CRACD: variants seen among roughly 807,000 people sequenced by gnomAD.
The protein encoded by CRACD is capping protein inhibiting regulator of actin dynamics.
CRACD carries 56 observed loss-of-function variants against 106.8 expected under a neutral mutation model. The observed-to-expected ratio is 0.52, with a 90% CI of 0.42 to 0.66. CRACD has a LOEUF of 0.66. Ranked by LOEUF, CRACD falls within the 30% of genes least tolerant of loss-of-function variation. The pLI is 0.00. For synonymous variants in CRACD, 754 were observed against 670.8 expected, an observed-to-expected ratio of 1.12 and a Z score of -1.92; for missense variants, 1,730 against 1,623.2, an observed-to-expected ratio of 1.07 and a Z score of -1.13.
intron 2 of CRACD, 141 bp downstream of exon 2, chr4:56,179,571 A>G (rs1736723912): frequency 6.6e-6 from 1 of 152,206 alleles, no homozygotes; most frequent in South Asian, 2.1e-4. Context: ...GTCATCAGTG[A>G]TCTAATCCTA....
chr4:56,072,793 C>T (rs892348798), intron 1 of CRACD, among the ~76,000 whole-genome samples: 2 of 151,724 alleles, frequency 1.3e-5, no homozygotes, highest in African/African-American at 4.8e-5. Flanking sequence ...GTATGATGTT[C>T]CCCTCCCTGT....
At chr4:56,218,521 C>CCTCATT (rs1209965014) in intron 2 of CRACD, among the ~76,000 whole-genome samples, 1 of 138,578 alleles carries the variant, frequency 7.2e-6, no homozygotes, top group African/African-American at 2.7e-5. Flanking sequence ...CCCTCCCCTC[C>CCTCATT]CTCATTTCCT....
intron 2 of CRACD, among the ~76,000 whole-genome samples, chr4:56,206,153 C>T (rs1160827584): frequency 6.6e-6 from 1 of 152,132 alleles, no homozygotes; most frequent in Non-Finnish European, 1.5e-5. Context: ...TAATATGTGC[C>T]CGTTTTCCCT....
chr4:56,280,092 G>A (rs1490011321), intron 3 of CRACD, among the ~76,000 whole-genome samples: 17 of 143,554 alleles, frequency 1.2e-4, no homozygotes, highest in African/African-American at 2.9e-4. Context: ...GAATTGAACA[G>A]TGAGAACACA....
At chr4:56,085,702 G>A (rs979207851) in intron 1 of CRACD, among the ~76,000 whole-genome samples, 11 of 152,110 alleles carry the variant, frequency 7.2e-5, no homozygotes, top group Non-Finnish European at 1.5e-4. Context: ...AGCAGATCAC[G>A]GGCTGCATCT....
Position 56,316,491 on chromosome 4 carries a change from G to T in CRACD, c.2989G>T (p.Asp997Tyr). 2.5e-6 allele frequency: 4 copies of T among 1,613,804 alleles called. No individual in the cohort carries two copies. The highest frequency in any genetic ancestry group is 3.4e-6 in the Non-Finnish European group (4 of 1,179,786). Reference protein sequence around the residue: ...ELLSRRAGRPDPEPSEPSKED... With the variant: ...ELLSRRAGRPYPEPSEPSKED... ...GCTGTCTCGCCGAGCGGGGAGGCCG[G>T]ACCCAGAGCCAAGTGAGCCGTCCAA... Residue 997 changes from aspartate to tyrosine, a missense_variant, in exon 8 of 11, where the codon GAC (aspartate) becomes TAC (tyrosine). By Grantham distance (160) the Asp-to-Tyr change is radical. This residue lies in a region of CRACD where 1,620 missense variants were observed against 1,481.6 expected (regional missense o/e 1.09). Transcript: ENST00000682029.
At chr4:56,171,498 G>C (rs1736363585) in intron 1 of CRACD, among the ~76,000 whole-genome samples, 1 of 152,134 alleles carries the variant, frequency 6.6e-6, no homozygotes, top group Non-Finnish European at 1.5e-5. Context: ...TTGAGCAACA[G>C]TTTTTATTTT....
At chr4:56,050,354 T>C (rs1731836007) in intron 1 of CRACD, among the ~76,000 whole-genome samples, 1 of 149,048 alleles carries the variant, frequency 6.7e-6, no homozygotes, top group Admixed American at 6.7e-5. Context: ...GAGGGAGTGG[T>C]TAGAATACAA....
intron 1 of CRACD, among the ~76,000 whole-genome samples, chr4:56,117,321 C>T (rs1344478199): frequency 6.6e-6 from 1 of 151,952 alleles, no homozygotes; most frequent in African/African-American, 2.4e-5. Flanking sequence ...GTGCCCGGCC[C>T]GAATTTTTTA....
chr4:56,313,361 G>A lies in CRACD; in HGVS notation c.519G>A (p.Lys173=). The A allele has an allele frequency of 6.2e-7, 1 of 1,613,868 alleles. No individual in the cohort carries two copies. Among genetic ancestry groups the A allele is most frequent in the African/African-American group, 1.3e-5 (1 of 75,060 alleles). The change falls in exon 7 of 11, where the codon AAG becomes AAA. Residue 173 remains lysine (K), a synonymous_variant. Coordinates refer to ENST00000682029, the MANE Select transcript of CRACD (RefSeq NM_001393381.1). The stretch of plus-strand genomic sequence containing the variant: ...CAAAAAAACAGAGGGTGTCAAAGAA[G>A]CACAGGCGCCTTGCCCAGGTGTGTA... ...VKPKKQRVSK[K]HRRLAQDPQH... is the part of the protein sequence containing the mutation.
chr4:56,113,299 A>G (rs1220528435), intron 1 of CRACD, among the ~76,000 whole-genome samples: 1 of 152,186 alleles, frequency 6.6e-6, no homozygotes, highest in Non-Finnish European at 1.5e-5. Flanking sequence ...GGATCTTTTC[A>G]AAGTGCTAAA....
At chr4:56,128,798 A>G (rs116797967) in intron 1 of CRACD, among the ~76,000 whole-genome samples, 2,549 of 152,262 alleles carry the variant, frequency 0.017, 37 homozygotes, top group Non-Finnish European at 0.022. Context: ...CTACATTAAA[A>G]TAAAAAATCA....
intron 2 of CRACD, among the ~76,000 whole-genome samples, chr4:56,198,844 G>T (rs1737744318): frequency 1.3e-5 from 2 of 152,174 alleles, no homozygotes; most frequent in Non-Finnish European, 2.9e-5. Context: ...TAACGTTAGA[G>T]GGGGGACTAG....
chr4:56,214,681 C>CTCTCTCTCTCTA, intron 2 of CRACD, among the ~76,000 whole-genome samples: 2,008 of 80,960 alleles, frequency 0.025, 64 homozygotes, highest in East Asian at 0.063. Flanking sequence ...CTCTCTCTCT[C>CTCTCTCTCTCTA]TATATATATA....
intron 2 of CRACD, among the ~76,000 whole-genome samples, chr4:56,191,312 C>T (rs1323143584): frequency 6.6e-6 from 1 of 152,096 alleles, no homozygotes; most frequent in Admixed American, 6.5e-5. Flanking sequence ...CACCTGCCTT[C>T]CTTGGCTTGT....
At chr4:56,308,961 G>T in intron 5 of CRACD, 1 of 1,256,350 alleles carries the variant, frequency 8.0e-7, no homozygotes, top group Non-Finnish European at 1.0e-6. Flanking sequence ...AGGTGAGCAA[G>T]ATTCTACAAG....
intron 1 of CRACD, among the ~76,000 whole-genome samples, chr4:56,052,682 TAATTGA>T (rs1182976375): frequency 6.6e-6 from 1 of 152,230 alleles, no homozygotes; most frequent in Non-Finnish European, 1.5e-5. Flanking sequence ...TTACATTTGA[TAATTGA>T]AATTAAGACT....
intron 1 of CRACD, among the ~76,000 whole-genome samples, chr4:56,089,793 A>C (rs1202655275): frequency 6.6e-6 from 1 of 152,098 alleles, no homozygotes; most frequent in East Asian, 1.9e-4. Context: ...GATTACAGGC[A>C]TGAGCCACCG....
chr4:56,057,912 G>A (rs1560438311), intron 1 of CRACD, among the ~76,000 whole-genome samples: 2 of 80,936 alleles, frequency 2.5e-5, no homozygotes, highest in Admixed American at 2.5e-4. Context: ...TCCGCCTCCC[G>A]GGTTCACGCC....
Sources: allele counts gnomAD v4.1 joint callset (sites outside exome capture counted in the v4.1 genomes callset), GRCh38; gene constraint gnomAD v4.1.1; regional missense constraint gnomAD v4.1.1; transcripts MANE v1.5; gene names NCBI Gene and HGNC (gene_info 2026-07-23, HGNC 2026-07-21).